The following RYR2 variants were observed in gnomAD, a reference collection of about 807,000 sequenced individuals.
The protein encoded by RYR2 is ryanodine receptor 2.
Under a neutral mutation model 601.1 loss-of-function variants are expected in RYR2, and 227 were observed. The observed-to-expected ratio is 0.38, with a 90% confidence interval of 0.34 to 0.42. RYR2 has a LOEUF of 0.42. RYR2 is among the 10% of genes least tolerant of loss of function. The pLI, the probability that RYR2 is intolerant of heterozygous loss-of-function variation, is 1.00. For synonymous variants in RYR2, 2,223 were observed against 2,175.1 expected (o/e 1.02, Z -0.61); for missense variants, 4,646 against 6,156.5 (o/e 0.75, Z 8.21).
rs74147175 is a variant in RYR2 at position 237,630,474 on chromosome 1, A to C, written c.6441-953A>C. Among the ~76,000 whole-genome samples, 801 of 152,282 alleles carry C rather than the reference A, an allele frequency of 5.3e-3. 6 individuals carry two copies. The highest frequency in any genetic ancestry group is 0.019 in the African/African-American group (774 of 41,574). On this transcript the variant is annotated intron_variant, in intron 41 of 104. Coordinates refer to ENST00000366574, the MANE Select transcript of RYR2 (RefSeq NM_001035.3). ...TAAAAATAATAAATGCAAAAATCATACTATCCCACTTTCTTGATATAGCCA... is the reference window on the plus strand; with the variant it reads ...TAAAAATAATAAATGCAAAAATCATCCTATCCCACTTTCTTGATATAGCCA...
rs1008333768 is a variant in RYR2, at chr1:237,244,004, C to T, written c.49-26493C>T. Reference sequence around the variant, plus strand: ...TCCTTGCACCATCCTGGGTCATGTCCCTAGGAAGATGGGAGGTATCGGTCA... The same window carrying T: ...TCCTTGCACCATCCTGGGTCATGTCTCTAGGAAGATGGGAGGTATCGGTCA... On this transcript the variant is annotated intron_variant, in intron 1 of 104. Transcript: ENST00000366574. Among the ~76,000 whole-genome samples the T allele has an allele frequency of 2.6e-5, 4 of 152,054 alleles. No homozygotes were observed. In the East Asian group the frequency reaches 7.7e-4, roughly 29 times the overall value.
intron 1 of RYR2, among the ~76,000 whole-genome samples, chr1:237,229,211 A>C (rs1354989402): frequency 3.3e-5 from 5 of 152,224 alleles, no homozygotes; most frequent in African/African-American, 1.2e-4. Flanking sequence ...ACCTGGAAAA[A>C]TACTTAAATG....
At chr1:237,576,087 G>A (rs1320994339) in intron 29 of RYR2, among the ~76,000 whole-genome samples, 1 of 152,172 alleles carries the variant, frequency 6.6e-6, no homozygotes, top group African/African-American at 2.4e-5. Flanking sequence ...ATTGAGAGAT[G>A]GTTGACTTTA....
intron 10 of RYR2, among the ~76,000 whole-genome samples, chr1:237,393,272 A>G (rs974754356): frequency 1.3e-5 from 2 of 152,224 alleles, no homozygotes; most frequent in Non-Finnish European, 2.9e-5. Flanking sequence ...AATAAATGCT[A>G]CATTTGCTTC....
chr1:237,721,809 C>T lies in RYR2; in HGVS notation c.10555-1319C>T, dbSNP rs146303681. 5.4e-3 allele frequency among the ~76,000 whole-genome samples: 817 copies of T among 152,214 alleles called. 5 individuals carry two copies. Among genetic ancestry groups the T allele is most frequent in the African/African-American group, 0.016 (682 of 41,540 alleles). The stretch of plus-strand genomic sequence containing the variant: ...TGCTGGGATTACAGGAGTGAGCCAC[C>T]GTGCCCGGCTGCTTTGTCCATTTTT... On this transcript the variant is annotated intron_variant, in intron 73 of 104. Transcript: ENST00000366574.
chr1:237,216,752 CAA>C (rs11316763), intron 1 of RYR2, among the ~76,000 whole-genome samples: 6 of 110,894 alleles, frequency 5.4e-5, no homozygotes, highest in African/African-American at 6.4e-5. Context: ...CACCCCCCAC[CAA>C]AAAAAAAAAA....
chr1:237,457,537 T>C (rs1008710657), intron 16 of RYR2, among the ~76,000 whole-genome samples: 14 of 152,284 alleles, frequency 9.2e-5, no homozygotes, highest in African/African-American at 3.1e-4. Flanking sequence ...TAGTGCCAAT[T>C]CTCTGAGCCC....
intron 2 of RYR2, among the ~76,000 whole-genome samples, chr1:237,279,876 T>C (rs1362059296): frequency 1.3e-5 from 2 of 152,228 alleles, no homozygotes; most frequent in Non-Finnish European, 2.9e-5. Context: ...CTTTGAGATC[T>C]GTTGCATCCA....
intron 2 of RYR2, among the ~76,000 whole-genome samples, chr1:237,319,637 A>G (rs773443620): frequency 4.6e-5 from 7 of 152,164 alleles, no homozygotes; most frequent in African/African-American, 7.2e-5. Context: ...GAGTTCAGGT[A>G]ATGATGGTAC....
intron 10 of RYR2, among the ~76,000 whole-genome samples, chr1:237,404,522 C>A (rs989826950): frequency 5.9e-5 from 9 of 151,970 alleles, no homozygotes; most frequent in African/African-American, 2.2e-4. Flanking sequence ...GAATAAGAAA[C>A]CTGGAGTAGG....
At chr1:237,220,602 C>T (rs1459175216) in intron 1 of RYR2, among the ~76,000 whole-genome samples, 1 of 152,194 alleles carries the variant, frequency 6.6e-6, no homozygotes, top group African/African-American at 2.4e-5. Context: ...TCGGGAGACA[C>T]CTGACTGATA....
intron 100 of RYR2, among the ~76,000 whole-genome samples, chr1:237,816,571 C>A (rs1661855625): frequency 6.6e-6 from 1 of 152,156 alleles, no homozygotes; most frequent in African/African-American, 2.4e-5. Flanking sequence ...CACCTGTAAT[C>A]TCAGCTACTT....
chr1:237,671,035 G>A (rs1361677040), intron 58 of RYR2, among the ~76,000 whole-genome samples: 1 of 152,112 alleles, frequency 6.6e-6, no homozygotes, highest in Non-Finnish European at 1.5e-5. Context: ...CCATACTTCT[G>A]CATACAACTT....
chr1:237,631,683 C>T (rs1392905754), intron 42 of RYR2, 142 bp downstream of exon 42: 4 of 418,780 alleles, frequency 9.6e-6, no homozygotes, highest in African/African-American at 6.6e-5. Flanking sequence ...GGCTGGAGTG[C>T]AGTGCACGAT....
chr1:237,535,476 A>AACACACACAC (rs71561884), intron 25 of RYR2, among the ~76,000 whole-genome samples: 1 of 104,566 alleles, frequency 9.6e-6, no homozygotes, highest in Non-Finnish European at 2.0e-5. Context: ...AATTGAATCA[A>AACACACACAC]ACACACATAC....
At chr1:237,687,959 T>C (rs537225215) in intron 63 of RYR2, among the ~76,000 whole-genome samples, 33 of 152,308 alleles carry the variant, frequency 2.2e-4, no homozygotes, top group African/African-American at 7.9e-4. Flanking sequence ...TGGAACGTCA[T>C]AGTCAAGACA....
At chr1:237,428,678 G>C (rs1413370450) in intron 12 of RYR2, among the ~76,000 whole-genome samples, 1 of 151,090 alleles carries the variant, frequency 6.6e-6, no homozygotes, top group Non-Finnish European at 1.5e-5. Context: ...ATGATGGGTT[G>C]ATAGGTGCCG....
intron 48 of RYR2, among the ~76,000 whole-genome samples, chr1:237,646,339 TC>T (rs1287460062): frequency 6.6e-6 from 1 of 151,788 alleles, no homozygotes; most frequent in Non-Finnish European, 1.5e-5. Context: ...AGACTCTGTC[TC>T]AAAAAAAAAT....
At chr1:237,087,033 A>C (rs1049417597) in intron 1 of RYR2, among the ~76,000 whole-genome samples, 1 of 152,182 alleles carries the variant, frequency 6.6e-6, no homozygotes, top group Admixed American at 6.5e-5. Context: ...GAATATTTTC[A>C]TGGCCACTGA....
Sources: allele counts gnomAD v4.1 joint callset (sites outside exome capture counted in the v4.1 genomes callset), GRCh38; gene constraint gnomAD v4.1.1; transcripts MANE v1.5; gene names NCBI Gene and HGNC (gene_info 2026-07-23, HGNC 2026-07-21).